Variants in SORCS2 observed in about 807,000 individuals in gnomAD.
SORCS2 encodes the protein VPS10 domain-containing receptor SorCS2.
In SORCS2, 100 loss-of-function variants were observed where a neutral mutation model predicts 141.6. The observed-to-expected ratio is 0.71, with a 90% CI of 0.60 to 0.83. The LOEUF is 0.83. Among genes scored for constraint, SORCS2 ranks in the 40% least tolerant of loss-of-function variants. The probability of loss-of-function intolerance (pLI) is 0.00; values close to 1 mark genes in which losing one functional copy is unlikely to be tolerated. For missense variants in SORCS2, 1,646 were observed against 1,560.2 expected, an observed-to-expected ratio of 1.05 and a Z score of -0.93; for synonymous variants, 789 against 676.9, an observed-to-expected ratio of 1.17 and a Z score of -2.57.
intron 3 of SORCS2, among the ~76,000 whole-genome samples, chr4:7,635,437 C>T (rs768354450): frequency 2.6e-5 from 4 of 152,188 alleles, no homozygotes; most frequent in Non-Finnish European, 5.9e-5. Flanking sequence ...CACTTAAGAC[C>T]AATCACTCTT....
rs1400355032 is a variant in SORCS2, at chr4:7,715,214, G to C, written c.2155G>C (p.Glu719Gln). 1 of 1,613,942 alleles carries C rather than the reference G, an allele frequency of 6.2e-7. No individual in the cohort carries two copies. ...DYGFERSSSS[E>Q]SSTNKCSANF... ...CGGATTTGAGCGCTCCTCCTCCTCA[G>C]AGTCCAGCACCAACAAGTGCTCTGC... The change falls in exon 17 of 27, where the codon GAG becomes CAG. Residue 719 changes from glutamate (E) to glutamine (Q), a missense_variant. Coordinates refer to ENST00000507866, the MANE Select transcript of SORCS2 (RefSeq NM_020777.3).
At chr4:7,406,879 G>T (rs115985424) in intron 2 of SORCS2, among the ~76,000 whole-genome samples, 47 of 151,832 alleles carry the variant, frequency 3.1e-4, no homozygotes, top group African/African-American at 1.0e-3. Context: ...GGTGTGTTGT[G>T]TTTCCATTTT....
At chr4:7,357,285 TA>T (rs962579044) in intron 1 of SORCS2, among the ~76,000 whole-genome samples, 22 of 152,264 alleles carry the variant, frequency 1.4e-4, no homozygotes, top group African/African-American at 3.8e-4. Context: ...AAAAATCCAA[TA>T]AAAAATATGA....
chr4:7,469,108 G>A (rs1560310121), intron 2 of SORCS2, among the ~76,000 whole-genome samples: 1 of 152,078 alleles, frequency 6.6e-6, no homozygotes, highest in African/African-American at 2.4e-5. Flanking sequence ...TGTGATGGTG[G>A]TGGTGGTGAT....
intron 9 of SORCS2, among the ~76,000 whole-genome samples, chr4:7,681,658 T>A (rs1389010089): frequency 1.3e-5 from 2 of 152,210 alleles, no homozygotes; most frequent in African/African-American, 4.8e-5. Context: ...TGCTGGAAGC[T>A]CAGACCCCAG....
intron 2 of SORCS2, among the ~76,000 whole-genome samples, chr4:7,496,919 A>T (rs777667515): frequency 8.5e-5 from 13 of 152,200 alleles, no homozygotes; most frequent in African/African-American, 1.2e-4. Flanking sequence ...CTGTGTCAGC[A>T]ACCCAGTGCC....
chr4:7,587,123 A>G (rs945402180), intron 3 of SORCS2, among the ~76,000 whole-genome samples: 4 of 152,054 alleles, frequency 2.6e-5, no homozygotes, highest in Non-Finnish European at 5.9e-5. Flanking sequence ...AAGCTGGACA[A>G]CCACCAGGAA....
At chr4:7,402,224 A>G (rs1724638360) in intron 2 of SORCS2, among the ~76,000 whole-genome samples, 1 of 152,174 alleles carries the variant, frequency 6.6e-6, no homozygotes, top group Non-Finnish European at 1.5e-5. Flanking sequence ...TCAAAGAAAT[A>G]CACTATGATA....
At chr4:7,689,775 G>T (rs944515565) in intron 11 of SORCS2, among the ~76,000 whole-genome samples, 187 bp downstream of exon 11, 1 of 152,272 alleles carries the variant, frequency 6.6e-6, no homozygotes, top group South Asian at 2.1e-4. Flanking sequence ...CATGGCCCAG[G>T]GTGGGCATAT....
intron 1 of SORCS2, among the ~76,000 whole-genome samples, chr4:7,244,917 C>T (rs563992939): frequency 4.8e-4 from 73 of 152,280 alleles, no homozygotes; most frequent in Admixed American, 1.4e-3. Flanking sequence ...CAGCCCAGCC[C>T]GCCGCCCCTT....
intron 2 of SORCS2, among the ~76,000 whole-genome samples, chr4:7,457,950 G>A (rs1729025769): frequency 6.6e-6 from 1 of 151,972 alleles, no homozygotes; most frequent in Non-Finnish European, 1.5e-5. Flanking sequence ...GCGGGGCAGG[G>A]ACGTCCACAC....
At chr4:7,641,929 G>A (rs1044933594) in intron 4 of SORCS2, among the ~76,000 whole-genome samples, 1 of 127,708 alleles carries the variant, frequency 7.8e-6, no homozygotes, top group African/African-American at 2.6e-5. Flanking sequence ...CAGATGGATG[G>A]ATAGATGATG....
Position 7,740,431 on chromosome 4 carries a change from C to T in SORCS2, c.*167C>T. The T allele has an allele frequency of 1.6e-6, 1 of 642,114 alleles. No homozygotes were observed. The highest frequency in any genetic ancestry group is 2.7e-6 in the Non-Finnish European group (1 of 368,888). The allele number at this position is 642,114 out of a possible 1,614,324, so 39.8% of individuals were successfully genotyped here. ...TCTGATAAATCCAAGCCCGCCCAGG[C>T]CCACGGGGGGCCCACGGGACCCCCC... On this transcript the variant is annotated 3_prime_UTR_variant, in exon 27 of 27. Transcript: ENST00000507866.
chr4:7,737,731 A>G (rs1189642362), intron 26 of SORCS2, among the ~76,000 whole-genome samples: 1 of 152,198 alleles, frequency 6.6e-6, no homozygotes, highest in Non-Finnish European at 1.5e-5. Flanking sequence ...CGCCCACCTC[A>G]GCGGCGTAGC....
At chr4:7,662,229 C>A (rs1304807184) in intron 6 of SORCS2, among the ~76,000 whole-genome samples, 1 of 147,800 alleles carries the variant, frequency 6.8e-6, no homozygotes, top group African/African-American at 2.5e-5. Flanking sequence ...CACCCTCCCC[C>A]CCCTCCCCCA....
chr4:7,660,162 A>G (rs1172849221), intron 5 of SORCS2, among the ~76,000 whole-genome samples: 2 of 152,228 alleles, frequency 1.3e-5, no homozygotes. Context: ...CAGACTCAGG[A>G]CCTGGCTTTT....
intron 2 of SORCS2, among the ~76,000 whole-genome samples, chr4:7,495,550 C>T (rs1348332580): frequency 1.3e-5 from 2 of 152,170 alleles, no homozygotes; most frequent in Non-Finnish European, 2.9e-5. Flanking sequence ...CTCCTTGGCA[C>T]CCTCGTCAGG....
chr4:7,614,930 C>T (rs1718660371), intron 3 of SORCS2, among the ~76,000 whole-genome samples: 1 of 152,050 alleles, frequency 6.6e-6, no homozygotes, highest in African/African-American at 2.4e-5. Context: ...TATTAATCCA[C>T]CTACCCACCC....
intron 25 of SORCS2, among the ~76,000 whole-genome samples, chr4:7,734,859 G>C (rs905834581): frequency 6.6e-6 from 1 of 152,194 alleles, no homozygotes; most frequent in Non-Finnish European, 1.5e-5. Flanking sequence ...TGAGCTTCCT[G>C]CCAGGCGCTC....
Sources: allele counts gnomAD v4.1 joint callset (sites outside exome capture counted in the v4.1 genomes callset), GRCh38; gene constraint gnomAD v4.1.1; transcripts MANE v1.5; gene names NCBI Gene and HGNC (gene_info 2026-07-23, HGNC 2026-07-21).